The following NOTCH4 variants were observed in gnomAD, a reference collection of about 807,000 sequenced individuals.
NOTCH4 encodes notch receptor 4, also known as neurogenic locus notch homolog protein 4.
In NOTCH4, 138 loss-of-function variants were observed where a neutral mutation model predicts 189.0. The ratio of observed to expected loss-of-function variants is 0.73; its 90% CI spans 0.64 to 0.84. The LOEUF is 0.84. Ranked by LOEUF, NOTCH4 falls within the 40% of genes least tolerant of loss-of-function variation. NOTCH4 has a pLI of 0.00. For missense variants in NOTCH4, 2,286 were observed against 2,605.4 expected, an observed-to-expected ratio of 0.88 and a Z score of 2.67; for synonymous variants, 942 against 1,032.8, an observed-to-expected ratio of 0.91 and a Z score of 1.69.
rs759435019 is a variant in NOTCH4 at position 32,218,086 on chromosome 6, C to T, written c.1533G>A (p.Glu511=). The T allele has an allele frequency of 8.1e-6, 13 of 1,612,746 alleles. 1 individual carries two copies. The South Asian group carries it at 1.4e-4, about 18-fold the overall frequency. Residue 511 remains glutamate, a synonymous_variant, in exon 9 of 30, where the codon GAG becomes GAA. Transcript: ENST00000375023. ...CPPGLEGQLC[E]VETNECASAP... ...CTGAGGCACACTCGTTGGTCTCCAC[C>T]TCACAGAGCTGCCCTTCTAAGCCTG...
rs929997284 is a variant in NOTCH4, at chr6:32,210,400, C to G, written c.2865+352G>C. 6.6e-6 allele frequency among the ~76,000 whole-genome samples: 1 copy of G among 152,082 alleles called. No individual in the cohort carries two copies. The highest frequency in any genetic ancestry group is 1.5e-5 in the Non-Finnish European group (1 of 68,006). ...CTCCGAAGGTTCAGCAGGGGAGAGA[C>G]AGGTCAACTGGACATTTTCAGTAGA... On this transcript the variant is annotated intron_variant, in intron 18 of 29. Coordinates refer to ENST00000375023, the MANE Select transcript of NOTCH4 (RefSeq NM_004557.4). The surrounding 1 kb of genome is among the most constrained non-coding windows in gnomAD (Gnocchi z 4.8).
Position 32,217,030 on chromosome 6 carries a change from C to G in NOTCH4, c.1776G>C (p.Glu592Asp). The G allele has an allele frequency of 3.1e-6, 5 of 1,613,122 alleles. No homozygotes were observed. Among genetic ancestry groups the G allele is most frequent in the Non-Finnish European group, 4.2e-6 (5 of 1,180,052 alleles). The part of the protein sequence containing the change: ...EGPRCQTEVD[E>D]CLSDPCPVGA... ...CAACGGGACATGGGTCACTCAGGCA[C>G]TCATCCACCTCTGTTTGACAGCGTG... Residue 592 changes from glutamate to aspartate, a missense_variant, in exon 11 of 30, where the codon GAG becomes GAC. This residue lies in a region of NOTCH4 where 1,903 missense variants were observed against 2,261.9 expected (regional missense o/e 0.84). Coordinates refer to ENST00000375023, the MANE Select transcript of NOTCH4 (RefSeq NM_004557.4). The surrounding 1 kb of genome is among the most constrained non-coding windows in gnomAD (Gnocchi z 4.2).
In NOTCH4 at chr6:32,220,417, G is replaced by T. The variant is rs1294747223; in HGVS notation, c.1147C>A (p.Pro383Thr). ...TCTACCCCCATACCTGTGCGTCCAG[G>T]TGGGCAGAGGCAGGAGAAAGAGCCC... Reference protein sequence around the residue: ...RVGSFSCLCPPGRTGLLCHLE... With the variant: ...RVGSFSCLCPTGRTGLLCHLE... Residue 383 changes from proline (P) to threonine (T), a missense_variant, in exon 6 of 30, where the codon CCT becomes ACT. Pro to Thr is a conservative substitution (Grantham distance 38). Coordinates refer to ENST00000375023, the MANE Select transcript of NOTCH4 (RefSeq NM_004557.4). 1 of 1,613,992 alleles carries T rather than the reference G, an allele frequency of 6.2e-7. No homozygotes were observed. Among genetic ancestry groups the T allele is most frequent in the Non-Finnish European group, 8.5e-7 (1 of 1,180,008 alleles).
In NOTCH4 at chr6:32,212,574, G is replaced by A. The variant is rs764276348; in HGVS notation, c.2580C>T (p.Leu860=). The A allele has an allele frequency of 1.2e-6, 2 of 1,613,264 alleles. No individual in the cohort carries two copies. The highest frequency in any genetic ancestry group is 1.7e-6 in the Non-Finnish European group (2 of 1,180,010). ...AGCAGTGGAAGGAGGGCCCAGTCTG[G>A]AGGCAGTGGGAATTGCGTGGGCAGG... ...QKPCPRNSHC[L]QTGPSFHCLC... is the part of the protein sequence containing the mutation. The change falls in exon 17 of 30, where the codon CTC becomes CTT. Residue 860 remains leucine, a synonymous_variant. Transcript: ENST00000375023. This position sits in a 1 kb window ranked among gnomAD's most constrained non-coding sequence, Gnocchi z 4.4.
Position 32,196,387 on chromosome 6 carries a change from G to C in NOTCH4, c.5235C>G (p.Asn1745Lys). ...KTALHWAAAV[N>K]NARAARSLLQ... ...GAAGCGAGCGGGCGGCTCGGGCGTT[G>C]TTCACGGCAGCAGCCCAGTGCAGCG... The change falls in exon 29 of 30, where the codon AAC (asparagine) becomes AAG (lysine). Residue 1745 changes from asparagine (N) to lysine (K), a missense_variant. Around this residue, in one of 2 missense-constraint regions of NOTCH4, gnomAD observed 1,903 missense variants for 2,261.9 expected, o/e 0.84. Coordinates refer to ENST00000375023, the MANE Select transcript of NOTCH4 (RefSeq NM_004557.4). 1 of 1,613,160 alleles carries C rather than the reference G, an allele frequency of 6.2e-7. No homozygotes were observed. Among genetic ancestry groups the C allele is most frequent in the Non-Finnish European group, 8.5e-7 (1 of 1,180,042 alleles).
At chr6:32,214,466 G>GATATATATAT (rs1554151235) in intron 12 of NOTCH4, among the ~76,000 whole-genome samples, 92 of 116,730 alleles carry the variant, frequency 7.9e-4, no homozygotes, top group Middle Eastern at 9.3e-3. Flanking sequence ...TCTAGTTGGA[G>GATATATATAT]ATATATATAT....
At position 32,195,712 on chromosome 6, in the gene NOTCH4, C is replaced by G; in HGVS notation, c.5737G>C (p.Gly1913Arg). The G allele has an allele frequency of 6.2e-7, 1 of 1,612,900 alleles. No individual in the cohort carries two copies. The highest frequency in any genetic ancestry group is 1.1e-5 in the South Asian group (1 of 91,072). Residue 1913 changes from glycine (G) to arginine (R), a missense_variant, in exon 30 of 30, where the codon GGC (glycine) becomes CGC (arginine). Transcript: ENST00000375023. The surrounding 1 kb of genome is among the most constrained non-coding windows in gnomAD (Gnocchi z 5.4). ...CGCATGCCTGCAGAAAACCTACGGC[C>G]GCGAGGGGTCGGGCCTCCTCCTGCT... is the stretch of plus-strand genomic sequence containing the variant. ...VGAGGGPTPR[G>R]RRFSAGMRGP...
intron 1 of NOTCH4, 149 bp downstream of exon 1, chr6:32,223,707 T>C: frequency 1.2e-6 from 1 of 846,256 alleles, no homozygotes; most frequent in South Asian, 1.8e-5. Flanking sequence ...AGAGCCGTCT[T>C]TCCCTGGAGG....
At position 32,215,109 on chromosome 6, in the gene NOTCH4, C is replaced by A. The variant is rs113880615; in HGVS notation, c.2021+117G>T. The A allele has an allele frequency of 7.3e-5, 73 of 995,924 alleles. No individual in the cohort carries two copies. The African/African-American group carries it at 8.7e-4, about 12-fold the overall frequency. 61.7% of individuals were successfully genotyped at this position (995,924 alleles called of 1,614,324 possible). A position where few individuals can be genotyped will look rare whatever the true frequency, so the allele number is the denominator to read the frequency against. ...CTTGCCCTAAGAACTTTGCCATCTC[C>A]TTCCTTTTCCCCATTGGTCATTTCT... On this transcript the variant is annotated intron_variant, in intron 12 of 29. Coordinates refer to ENST00000375023, the MANE Select transcript of NOTCH4 (RefSeq NM_004557.4).
Position 32,198,890 on chromosome 6 carries a change from T to TC in NOTCH4, c.4535+35dup. ...TTGTAAATATCGCCATAGGAGAGAC[T>TC]CCCCTTCCTGAGCCTGGGTTTCTCC... On this transcript the variant is annotated intron_variant, in intron 24 of 29. Coordinates refer to ENST00000375023, the MANE Select transcript of NOTCH4 (RefSeq NM_004557.4). The surrounding 1 kb of genome is among the most constrained non-coding windows in gnomAD (Gnocchi z 5.5). The TC allele has an allele frequency of 6.6e-7, 1 of 1,505,456 alleles. No individual in the cohort carries two copies. Among genetic ancestry groups the TC allele is most frequent in the Non-Finnish European group, 8.9e-7 (1 of 1,117,728 alleles). 93.3% of individuals were successfully genotyped at this position (1,505,456 alleles called of 1,614,324 possible). A position where few individuals can be genotyped will look rare whatever the true frequency, so the allele number is the denominator to read the frequency against.
chr6:32,212,462 G>T lies in NOTCH4; in HGVS notation c.2680+12C>A. 2 of 1,597,582 alleles carry T rather than the reference G, an allele frequency of 1.3e-6. No homozygotes were observed. On this transcript the variant is annotated intron_variant, in intron 17 of 29. Coordinates refer to ENST00000375023, the MANE Select transcript of NOTCH4 (RefSeq NM_004557.4). This position sits in a 1 kb window ranked among gnomAD's most constrained non-coding sequence, Gnocchi z 4.4. Reference sequence around the variant, plus strand: ...CTTCATTTGCTCTCCAGTCAGTGCCGGCGTTGGTTACCTTGGCTCAGTGCA... The same window carrying T: ...CTTCATTTGCTCTCCAGTCAGTGCCTGCGTTGGTTACCTTGGCTCAGTGCA...
Position 32,212,730 on chromosome 6 carries a change from A to G in NOTCH4, c.2526+94T>C. ...CTCCTCGAAATCCCTTACTTCAAAAACCTTCTCCTGAATGGCCTGGGACCA... is the reference window on the plus strand; with the variant it reads ...CTCCTCGAAATCCCTTACTTCAAAAGCCTTCTCCTGAATGGCCTGGGACCA... On this transcript the variant is annotated intron_variant, in intron 16 of 29. Transcript: ENST00000375023. This position sits in a 1 kb window ranked among gnomAD's most constrained non-coding sequence, Gnocchi z 4.4. The G allele has an allele frequency of 1.3e-6, 2 of 1,487,352 alleles. No homozygotes were observed. The highest frequency in any genetic ancestry group is 1.8e-6 in the Non-Finnish European group (2 of 1,106,924). The allele number at this position is 1,487,352 out of a possible 1,614,324, so 92.1% of individuals were successfully genotyped here. A position where few individuals can be genotyped will look rare whatever the true frequency, so the allele number is the denominator to read the frequency against.
chr6:32,213,628 C>T (rs1019140432), intron 14 of NOTCH4, 60 bp downstream of exon 14: 64 of 1,557,984 alleles, frequency 4.1e-5, no homozygotes, highest in Non-Finnish European at 5.3e-5. Flanking sequence ...CACAAGCATA[C>T]CCTCCTTAGT....
chr6:32,207,133 G>A (rs1788727720), intron 18 of NOTCH4, among the ~76,000 whole-genome samples: 1 of 151,296 alleles, frequency 6.6e-6, no homozygotes, highest in Non-Finnish European at 1.5e-5. Flanking sequence ...GTTTCACTAT[G>A]TTGGTCAGGC....
rs531236347 is a variant in NOTCH4, at chr6:32,223,024, G to A, written c.136C>T (p.Leu46=). The change falls in exon 2 of 30, where the codon CTG becomes TTG. Residue 46 remains leucine (L), a synonymous_variant. Transcript: ENST00000375023. ...ACTCACTGGCAGGTCCCTTGTCCCAGAGACAGGCTCAGGCAGGTGCCTCCA... is the reference window on the plus strand; with the variant it reads ...ACTCACTGGCAGGTCCCTTGTCCCAAAGACAGGCTCAGGCAGGTGCCTCCA... ...ANGGTCLSLS[L]GQGTCQCAPG... is the part of the protein sequence containing the mutation. 2.5e-6 allele frequency: 4 copies of A among 1,613,446 alleles called. No individual in the cohort carries two copies. The highest frequency in any genetic ancestry group is 2.7e-5 in the African/African-American group (2 of 74,788).
In NOTCH4 at chr6:32,217,220, G is replaced by A; in HGVS notation, c.1671C>T (p.Ser557=). The change falls in exon 10 of 30, where the codon AGC becomes AGT. Residue 557 remains serine, a synonymous_variant. Coordinates refer to ENST00000375023, the MANE Select transcript of NOTCH4 (RefSeq NM_004557.4). The surrounding 1 kb of genome is among the most constrained non-coding windows in gnomAD (Gnocchi z 4.2). ...RCEEDIDECR[S]SPCANGGQCQ... ...ACTGCCCACCATTGGCACAGGGAGA[G>A]CTTCTGCACTCATCGATATCCTCCT... 1 of 1,613,068 alleles carries A rather than the reference G, an allele frequency of 6.2e-7. No individual in the cohort carries two copies. The highest frequency in any genetic ancestry group is 8.5e-7 in the Non-Finnish European group (1 of 1,180,014).
intron 17 of NOTCH4, among the ~76,000 whole-genome samples, chr6:32,211,289 G>GA (rs1404664779): frequency 1.6e-5 from 2 of 126,106 alleles, no homozygotes; most frequent in Non-Finnish European, 3.5e-5. Context: ...CAAACAAACA[G>GA]AAACGGTAAA....
intron 18 of NOTCH4, among the ~76,000 whole-genome samples, chr6:32,205,431 C>T (rs1206861967): frequency 6.7e-6 from 1 of 150,102 alleles, no homozygotes; most frequent in Non-Finnish European, 1.5e-5. Context: ...CCCTGTAGTC[C>T]CAGCTACTCA....
Position 32,202,213 on chromosome 6 carries a change from T to C in NOTCH4, c.3618A>G (p.Gly1206=). 6.5e-7 allele frequency: 1 copy of C among 1,537,288 alleles called. No homozygotes were observed. The highest frequency in any genetic ancestry group is 8.8e-7 in the Non-Finnish European group (1 of 1,139,796). ...GGCAGCCCTTCCAGGGGTCTGGGAC[T>C]CCCAGAGAGCAGTCCCCTCCATCCC... ...GNWDGGDCSL[G]VPDPWKGCPS... Residue 1206 remains glycine (G), a synonymous_variant, in exon 21 of 30, where the codon GGA becomes GGG. Transcript: ENST00000375023. This position sits in a 1 kb window ranked among gnomAD's most constrained non-coding sequence, Gnocchi z 5.7.
Sources: gnomAD v4.1 joint callset for allele counts (sites outside exome capture counted in the v4.1 genomes callset) on GRCh38, gnomAD v4.1.1 for gene constraint, gnomAD v4.1.1 regional missense constraint, Gnocchi (gnomAD v3.1) non-coding constraint, MANE v1.5 for transcripts, NCBI Gene and HGNC (gene_info 2026-07-23, HGNC 2026-07-21) for gene names.